GNAO1: variants seen among roughly 807,000 people sequenced by gnomAD.
The protein encoded by GNAO1 is G protein subunit alpha o1.
For synonymous variants in GNAO1, 164 were observed against 180.7 expected (o/e 0.91, Z 0.74); for missense variants, 166 against 478.7 (o/e 0.35, Z 6.10).
intron 3 of GNAO1, among the ~76,000 whole-genome samples, chr16:56,290,422 C>T (rs1404617331): frequency 1.3e-5 from 2 of 152,222 alleles, no homozygotes; most frequent in African/African-American, 4.8e-5. Context: ...GCAGCTAGTC[C>T]GTGGTAGAGC....
chr16:56,205,018 A>T (rs2036314588), intron 2 of GNAO1, among the ~76,000 whole-genome samples: 2 of 152,206 alleles, frequency 1.3e-5, no homozygotes, highest in South Asian at 4.1e-4. Context: ...CCCCCAACTG[A>T]CATAATAAAT....
chr16:56,191,542 C>G lies in GNAO1; in HGVS notation c.-694C>G. ...TGGCTGCGGCTCCCTGGCGCTCTCCCTCTCTCTCCGGTAGGCTCACCGAGC... is the reference window on the plus strand; with the variant it reads ...TGGCTGCGGCTCCCTGGCGCTCTCCGTCTCTCTCCGGTAGGCTCACCGAGC... On this transcript the variant is annotated 5_prime_UTR_variant, in exon 1 of 9. Transcript: ENST00000262493. This position sits in a 1 kb window ranked among gnomAD's most constrained non-coding sequence, Gnocchi z 4.7. The G allele has an allele frequency of 6.6e-6, 1 of 151,388 alleles. No individual in the cohort carries two copies. 9.4% of individuals were successfully genotyped at this position (151,388 alleles called of 1,614,324 possible).
At chr16:56,266,934 A>C (rs1596830882) in intron 2 of GNAO1, among the ~76,000 whole-genome samples, 1 of 152,162 alleles carries the variant, frequency 6.6e-6, no homozygotes, top group East Asian at 1.9e-4. Flanking sequence ...TGCAGTTCCT[A>C]GAAAGCCCTC....
chr16:56,323,119 C>T (rs62038121), intron 3 of GNAO1, among the ~76,000 whole-genome samples: 12,152 of 152,106 alleles, frequency 0.08, 624 homozygotes, highest in Middle Eastern at 0.13. Flanking sequence ...GATGGAGCAC[C>T]CAGCTTATTT....
chr16:56,347,634 G>A (rs1370292379), intron 6 of GNAO1: 54 of 895,302 alleles, frequency 6.0e-5, no homozygotes, highest in Middle Eastern at 5.6e-4. Context: ...GGCTCCCCCT[G>A]GAACAGAAGC....
At chr16:56,284,368 A>T (rs2143542158) in intron 3 of GNAO1, among the ~76,000 whole-genome samples, 1 of 152,242 alleles carries the variant, frequency 6.6e-6, no homozygotes, top group African/African-American at 2.4e-5. Context: ...GGTTTGAGGG[A>T]AGGCATCCAC....
At chr16:56,237,411 G>A (rs139535326) in intron 2 of GNAO1, among the ~76,000 whole-genome samples, 1 of 152,166 alleles carries the variant, frequency 6.6e-6, no homozygotes, top group Non-Finnish European at 1.5e-5. Context: ...AACTACGGCT[G>A]TGCAGAGCAA....
intron 6 of GNAO1, among the ~76,000 whole-genome samples, chr16:56,350,116 C>T (rs77070143): frequency 0.012 from 1,827 of 152,196 alleles, 27 homozygotes; most frequent in Non-Finnish European, 0.021. Context: ...CAGAGGGGGG[C>T]GGTGTGGCAG....
rs2037660949 is a variant in GNAO1, at chr16:56,328,798, G to T, written c.464+7G>T. The T allele has an allele frequency of 6.2e-7, 1 of 1,613,668 alleles. No homozygotes were observed. The highest frequency in any genetic ancestry group is 8.5e-7 in the Non-Finnish European group (1 of 1,179,554). Reference sequence around the variant, plus strand: ...TCAACGACTCTGCCAAATAGTGAGTGTCCCAGCGGGCGCATGGCCTGGAGC... The same window carrying T: ...TCAACGACTCTGCCAAATAGTGAGTTTCCCAGCGGGCGCATGGCCTGGAGC... On this transcript the variant is annotated splice_region_variant and intron_variant, in intron 4 of 8. Transcript: ENST00000262493.
chr16:56,320,026 T>C (rs1414082142), intron 3 of GNAO1, among the ~76,000 whole-genome samples: 1 of 152,204 alleles, frequency 6.6e-6, no homozygotes, highest in Non-Finnish European at 1.5e-5. Context: ...AAGATTGTAC[T>C]GGTTACTATG....
At chr16:56,340,742 C>A in intron 6 of GNAO1, 2 of 1,158,200 alleles carry the variant, frequency 1.7e-6, no homozygotes, top group South Asian at 1.4e-5. Context: ...ATTGGTGGAC[C>A]TTCCCTTTGC....
At chr16:56,271,285 G>A (rs147374062) in intron 2 of GNAO1, among the ~76,000 whole-genome samples, 10 of 152,312 alleles carry the variant, frequency 6.6e-5, no homozygotes, top group Non-Finnish European at 1.3e-4. Flanking sequence ...TCTGTAAAGA[G>A]GAGATAATTT....
intron 3 of GNAO1, among the ~76,000 whole-genome samples, chr16:56,281,130 A>G (rs2037110286): frequency 6.6e-6 from 1 of 152,180 alleles, no homozygotes; most frequent in African/African-American, 2.4e-5. Context: ...GGGTCATGCA[A>G]TACAAATTAT....
chr16:56,225,031 A>G (rs2036522321), intron 2 of GNAO1, among the ~76,000 whole-genome samples: 1 of 152,200 alleles, frequency 6.6e-6, no homozygotes, highest in African/African-American at 2.4e-5. Flanking sequence ...TGGACAGCTG[A>G]TAGTGTCCCC....
intron 4 of GNAO1, among the ~76,000 whole-genome samples, chr16:56,333,316 G>A (rs564129099): frequency 2.2e-4 from 33 of 151,460 alleles, no homozygotes; most frequent in Middle Eastern, 3.4e-3. Flanking sequence ...GGGTTGAAGC[G>A]ATTCTCCTGC....
intron 6 of GNAO1, chr16:56,343,710 A>G: frequency 6.9e-7 from 1 of 1,459,422 alleles, no homozygotes; most frequent in Middle Eastern, 1.8e-4. Context: ...CGTCCATGCC[A>G]AGCAGTCCCA....
At chr16:56,217,278 A>G (rs1388603801) in intron 2 of GNAO1, among the ~76,000 whole-genome samples, 1 of 152,218 alleles carries the variant, frequency 6.6e-6, no homozygotes, top group Non-Finnish European at 1.5e-5. Flanking sequence ...ATTCAGCAAA[A>G]AAGTGACAGA....
intron 6 of GNAO1, chr16:56,347,169 CAAG>C (rs1567494426): frequency 3.0e-6 from 3 of 985,460 alleles, no homozygotes; most frequent in Non-Finnish European, 3.6e-6. Context: ...TCCTCCTTTT[CAAG>C]AAGTCTGGGG....
intron 4 of GNAO1, 53 bp from the exon 5 acceptor site, chr16:56,334,676 C>G: frequency 6.2e-7 from 1 of 1,600,954 alleles, no homozygotes; most frequent in Non-Finnish European, 8.5e-7. Flanking sequence ...TGGCCAGTCC[C>G]GAACAGTGTC....
Sources: allele counts gnomAD v4.1 joint callset (sites outside exome capture counted in the v4.1 genomes callset), GRCh38; gene constraint gnomAD v4.1.1; non-coding constraint Gnocchi (gnomAD v3.1); transcripts MANE v1.5; gene names NCBI Gene and HGNC (gene_info 2026-07-23, HGNC 2026-07-21).